The following KLF12 variants were observed in gnomAD, a reference collection of about 807,000 sequenced individuals.
KLF12 encodes the protein KLF transcription factor 12.
A neutral mutation model predicts 37.8 loss-of-function variants in KLF12; 9 were observed. The ratio of observed to expected loss-of-function variants is 0.24; its 90% CI spans 0.14 to 0.42. The LOEUF (loss-of-function observed/expected upper bound fraction) is 0.42, where lower values mean the gene tolerates loss of function less well. KLF12 is among the 10% of genes least tolerant of loss of function. The pLI is 1.00. For missense variants in KLF12, 411 were observed against 516.0 expected (o/e 0.80, Z 1.97); for synonymous variants, 208 against 202.1 (o/e 1.03, Z -0.25).
intron 1 of KLF12, among the ~76,000 whole-genome samples, chr13:74,007,677 A>T (rs9573341): frequency 6.6e-6 from 1 of 152,038 alleles, no homozygotes; most frequent in African/African-American, 2.4e-5. Flanking sequence ...TTAAAACAAA[A>T]TTGTTATTAT....
intron 7 of KLF12, among the ~76,000 whole-genome samples, chr13:73,710,378 C>CTCTG (rs1216928981): frequency 4.7e-4 from 67 of 143,996 alleles, no homozygotes; most frequent in African/African-American, 1.6e-3. Flanking sequence ...AAGATATTGT[C>CTCTG]TGTGTGTGTG....
At chr13:73,977,373 C>CAAAG (rs1295129113) in intron 2 of KLF12, among the ~76,000 whole-genome samples, 2 of 152,094 alleles carry the variant, frequency 1.3e-5, no homozygotes, top group Admixed American at 1.3e-4. Flanking sequence ...CAAACACATA[C>CAAAG]AAAGCATTTA....
At chr13:74,025,327 A>G (rs1411161348) in intron 1 of KLF12, among the ~76,000 whole-genome samples, 1 of 152,184 alleles carries the variant, frequency 6.6e-6, no homozygotes, top group Non-Finnish European at 1.5e-5. Context: ...AAAAAAAAAA[A>G]AAATCCAAAA....
chr13:74,292,823 T>C, the KLF12 span, among the ~76,000 whole-genome samples: 1 of 152,208 alleles, frequency 6.6e-6, no homozygotes, highest in Non-Finnish European at 1.5e-5. Flanking sequence ...GACATGATTT[T>C]ATGTTGTATT....
chr13:73,778,144 T>TA (rs1880738038), intron 5 of KLF12, among the ~76,000 whole-genome samples: 2 of 105,402 alleles, frequency 1.9e-5, no homozygotes, highest in South Asian at 6.7e-4. Context: ...AAAAAAAAAA[T>TA]AAAAAAAGAA....
At chr13:73,763,122 C>G (rs943009879) in intron 6 of KLF12, among the ~76,000 whole-genome samples, 1 of 152,182 alleles carries the variant, frequency 6.6e-6, no homozygotes, top group Non-Finnish European at 1.5e-5. Context: ...GATTTTCTGA[C>G]AGCCTTGTTC....
At chr13:74,301,799 T>C in the KLF12 span, among the ~76,000 whole-genome samples, 1 of 152,154 alleles carries the variant, frequency 6.6e-6, no homozygotes, top group Non-Finnish European at 1.5e-5. Flanking sequence ...GAGTGTACGC[T>C]GCATTGGAAT....
chr13:74,277,663 T>C, the KLF12 span, among the ~76,000 whole-genome samples: 15 of 152,156 alleles, frequency 9.9e-5, no homozygotes, highest in Non-Finnish European at 1.9e-4. Flanking sequence ...ATGAATTCTA[T>C]AGGGCTATTC....
chr13:74,052,053 AAAG>A (rs1406248893), intron 1 of KLF12, among the ~76,000 whole-genome samples: 1 of 152,162 alleles, frequency 6.6e-6, no homozygotes, highest in East Asian at 1.9e-4. Flanking sequence ...AAAGAAAAAA[AAAG>A]AAGATAAAGA....
intron 1 of KLF12, among the ~76,000 whole-genome samples, chr13:74,108,528 G>T (rs939997235): frequency 6.6e-6 from 1 of 151,986 alleles, no homozygotes; most frequent in Non-Finnish European, 1.5e-5. Context: ...TAGGAGTTGG[G>T]GCGCTGACCT....
chr13:74,233,513 A>C, the KLF12 span, among the ~76,000 whole-genome samples: 1 of 152,258 alleles, frequency 6.6e-6, no homozygotes, highest in South Asian at 2.1e-4. Flanking sequence ...ATGCAGATTC[A>C]TAATCTGTAA....
At chr13:73,806,059 C>G (rs1451001059) in intron 5 of KLF12, among the ~76,000 whole-genome samples, 2 of 151,346 alleles carry the variant, frequency 1.3e-5, no homozygotes, top group African/African-American at 4.8e-5. Context: ...CTCGGCCTCT[C>G]AAAATGTTGG....
At chr13:73,711,195 A>G (rs1197902428) in intron 7 of KLF12, among the ~76,000 whole-genome samples, 3 of 152,254 alleles carry the variant, frequency 2.0e-5, no homozygotes, top group Non-Finnish European at 4.4e-5. Flanking sequence ...AGCTGTCTCC[A>G]TAACATATAA....
intron 1 of KLF12, among the ~76,000 whole-genome samples, chr13:74,108,400 G>C (rs893352278): frequency 6.6e-6 from 1 of 151,898 alleles, no homozygotes; most frequent in African/African-American, 2.4e-5. Flanking sequence ...AATCTAAATG[G>C]AACTCTTTAA....
the KLF12 span, among the ~76,000 whole-genome samples, chr13:74,201,758 C>G: frequency 1.3e-5 from 2 of 152,134 alleles, no homozygotes; most frequent in African/African-American, 4.8e-5. Flanking sequence ...GTTTGACAGT[C>G]TTTGCCAAGC....
chr13:74,104,688 A>G (rs897826603), intron 1 of KLF12, among the ~76,000 whole-genome samples: 7 of 152,200 alleles, frequency 4.6e-5, no homozygotes, highest in Non-Finnish European at 1.0e-4. Context: ...ATGACTTCAT[A>G]AATATACATA....
the KLF12 span, among the ~76,000 whole-genome samples, chr13:74,254,928 A>G: frequency 6.6e-6 from 1 of 152,312 alleles, no homozygotes; most frequent in South Asian, 2.1e-4. Context: ...TAAATGGACC[A>G]TAGAGCTCAA....
chr13:74,294,766 TTCTC>T, the KLF12 span, among the ~76,000 whole-genome samples: 2 of 152,102 alleles, frequency 1.3e-5, no homozygotes, highest in African/African-American at 4.8e-5. Context: ...TAAGAAATAT[TTCTC>T]TCTTCTCCAT....
At chr13:73,898,212 C>T (rs1419010653) in intron 3 of KLF12, among the ~76,000 whole-genome samples, 1 of 152,158 alleles carries the variant, frequency 6.6e-6, no homozygotes, top group African/African-American at 2.4e-5. Context: ...AAAAATCTTT[C>T]TCCCTTTTGT....
Sources: gnomAD v4.1 joint callset for allele counts (sites outside exome capture counted in the v4.1 genomes callset) on GRCh38, gnomAD v4.1.1 for gene constraint, MANE v1.5 for transcripts, NCBI Gene and HGNC (gene_info 2026-07-23, HGNC 2026-07-21) for gene names.